The following INSRR variants were observed in gnomAD, a reference collection of about 807,000 sequenced individuals.
INSRR encodes insulin receptor related receptor, also known as insulin receptor-related protein.
Under a neutral mutation model 130.0 loss-of-function variants are expected in INSRR, and 114 were observed. The ratio of observed to expected loss-of-function variants is 0.88; its 90% CI spans 0.75 to 1.02. The LOEUF is 1.02. Ranked by LOEUF, INSRR falls within the 50% of genes least tolerant of loss-of-function variation. The pLI, the probability that INSRR is intolerant of heterozygous loss-of-function variation, is 0.00. For missense variants in INSRR, 1,657 were observed against 1,735.2 expected (o/e 0.95, Z 0.80); for synonymous variants, 674 against 705.2 (o/e 0.96, Z 0.70).
At chr1:156,858,463 G>T in intron 1 of INSRR, 74 bp downstream of exon 1, 1 of 1,117,958 alleles carries the variant, frequency 8.9e-7, no homozygotes, top group Non-Finnish European at 1.4e-6. Context: ...TGCTGTGGCT[G>T]CAAGCTCAGT....
rs547477076 is a variant in INSRR, at chr1:156,849,406, C to T, written c.1284G>A (p.Trp428Ter). The T allele has an allele frequency of 6.2e-7, 1 of 1,613,796 alleles. No individual in the cohort carries two copies. Among genetic ancestry groups the T allele is most frequent in the South Asian group, 1.1e-5 (1 of 91,046 alleles). The part of the protein sequence containing the change: ...DNQNLQQLGS[W>*]VAAGLTIPVG... ...CGGGAATGGTGAGCCCCGCGGCCAC[C>T]CAGGACCCTAGCTGTTGTAGGTTCT... is the stretch of plus-strand genomic sequence containing the variant. The change falls in exon 6 of 22, where the codon TGG becomes TGA. Residue 428 changes from tryptophan to a stop codon, truncating the protein, a stop_gained. Transcript: ENST00000368195. LOFTEE classifies it high-confidence loss of function.
chr1:156,846,225 G>A (rs1655003509), intron 8 of INSRR, 106 bp from the exon 9 acceptor site: 2 of 1,207,908 alleles, frequency 1.7e-6, no homozygotes, highest in Non-Finnish European at 2.3e-6. Context: ...TTCTCCCAAA[G>A]AATAGGTGAT....
At chr1:156,848,273 G>A (rs973470317) in intron 7 of INSRR, among the ~76,000 whole-genome samples, 2 of 152,198 alleles carry the variant, frequency 1.3e-5, no homozygotes, top group Non-Finnish European at 2.9e-5. Context: ...ATGCTTCTAA[G>A]CCAGGTGGCC....
chr1:156,845,848 G>T, intron 9 of INSRR, 34 bp from the exon 10 acceptor site: 1 of 1,593,374 alleles, frequency 6.3e-7, no homozygotes, highest in South Asian at 1.1e-5. Context: ...TAGTAAGACA[G>T]GCGGTCTACC....
intron 2 of INSRR, 111 bp from the exon 3 acceptor site, chr1:156,852,302 G>A: frequency 9.4e-7 from 1 of 1,063,310 alleles, no homozygotes; most frequent in South Asian, 1.7e-5. Flanking sequence ...TCTGCACCCA[G>A]GTCCCTCCCA....
At chr1:156,842,646 T>C (rs945995046) in intron 17 of INSRR, 138 bp from the exon 18 acceptor site, 48 of 656,810 alleles carry the variant, frequency 7.3e-5, no homozygotes, top group Non-Finnish European at 1.1e-4. Flanking sequence ...ACCTGACTCC[T>C]GACCTAACAA....
chr1:156,858,678 AACGGTGTGATAAGCCCTAAGGG>A lies in INSRR; in HGVS notation c.-79_-58del. ...CTCTCCTCCCGGTGACTCTGGGGAG[AACGGTGTGATAAGCCCTAAGGG>A]ACACAGAGACCAGGGTTCAGATAGG... is the stretch of plus-strand genomic sequence containing the variant. On this transcript the variant is annotated 5_prime_UTR_variant, in exon 1 of 22. It removes the in-frame stop codon of an upstream open reading frame in the 5' UTR. Transcript: ENST00000368195. The A allele has an allele frequency of 6.8e-7, 1 of 1,475,674 alleles. No homozygotes were observed. Among genetic ancestry groups the A allele is most frequent in the Non-Finnish European group, 9.5e-7 (1 of 1,054,230 alleles). 91.4% of individuals were successfully genotyped at this position (1,475,674 alleles called of 1,614,324 possible). A position where few individuals can be genotyped will look rare whatever the true frequency, so the allele number is the denominator to read the frequency against.
rs780685629 is a variant in INSRR at position 156,854,317 on chromosome 1, C to A, written c.86-14G>T. ...GGCTGGGGCACACTGTGGGCATACA[C>A]GGCACGCAGCATTGAGTACAGCCCA... On this transcript the variant is annotated splice_polypyrimidine_tract_variant and intron_variant, in intron 1 of 21. Coordinates refer to ENST00000368195, the MANE Select transcript of INSRR (RefSeq NM_014215.3). The surrounding 1 kb of genome is among the most constrained non-coding windows in gnomAD (Gnocchi z 4.2). 1 of 1,595,010 alleles carries A rather than the reference C, an allele frequency of 6.3e-7. No homozygotes were observed. Among genetic ancestry groups the A allele is most frequent in the Non-Finnish European group, 8.5e-7 (1 of 1,171,454 alleles).
intron 16 of INSRR, 68 bp from the exon 17 acceptor site, chr1:156,843,301 C>T: frequency 6.4e-7 from 1 of 1,570,056 alleles, no homozygotes; most frequent in Admixed American, 1.7e-5. Context: ...CCCAACTTCT[C>T]TTCTCCTCTT....
intron 5 of INSRR, among the ~76,000 whole-genome samples, chr1:156,849,736 C>T (rs1206092949): frequency 2.6e-5 from 4 of 152,078 alleles, no homozygotes; most frequent in Admixed American, 6.6e-5. Context: ...CCTCGACTCT[C>T]TTTGAACTGA....
At chr1:156,849,535 C>T (rs1655131832) in intron 5 of INSRR, 75 bp from the exon 6 acceptor site, 8 of 1,131,054 alleles carry the variant, frequency 7.1e-6, no homozygotes, top group Non-Finnish European at 1.0e-5. Flanking sequence ...CTTATGGGTT[C>T]CTCCTGGAAG....
chr1:156,848,816 G>T, intron 7 of INSRR, 105 bp downstream of exon 7: 1 of 1,383,184 alleles, frequency 7.2e-7, no homozygotes, highest in South Asian at 1.4e-5. Context: ...CTGGCTTCCT[G>T]GGTCTTCATA....
At chr1:156,841,349 T>A in intron 21 of INSRR, 45 bp downstream of exon 21, 1 of 1,586,984 alleles carries the variant, frequency 6.3e-7, no homozygotes, top group East Asian at 2.2e-5. Flanking sequence ...GGGGGAGGGT[T>A]GTAGGTAGAT....
At chr1:156,851,570 G>C in intron 4 of INSRR, 76 bp downstream of exon 4, 1 of 1,608,884 alleles carries the variant, frequency 6.2e-7, no homozygotes, top group Admixed American at 1.7e-5. Flanking sequence ...GTGCTGAGTT[G>C]GGTCATTGTA....
rs1368046320 is a variant in INSRR at position 156,843,070 on chromosome 1, G to T, written c.3060C>A (p.Ser1020Arg). The T allele has an allele frequency of 2.5e-6, 4 of 1,614,156 alleles. No individual in the cohort carries two copies. Among genetic ancestry groups the T allele is most frequent in the Non-Finnish European group, 3.4e-6 (4 of 1,180,036 alleles). Residue 1020 changes from serine (S) to arginine (R), a missense_variant, in exon 17 of 22, where the codon AGC becomes AGA. Physicochemically the swap from Ser to Arg is moderately radical, Grantham distance 110. Transcript: ENST00000368195. ...TGAGGAACTCAATGCATTCCCGTGG[G>T]CTGGCCAGCTCATTCACCGTCTTCA... Reference protein sequence around the residue: ...VALKTVNELASPRECIEFLKE... With the variant: ...VALKTVNELARPRECIEFLKE...
At chr1:156,853,655 A>G in intron 2 of INSRR, 97 bp downstream of exon 2, 1 of 1,186,536 alleles carries the variant, frequency 8.4e-7, no homozygotes. Context: ...AAACAGTGGC[A>G]GCTGAAAGTA....
rs1482304888 is a variant in INSRR at position 156,845,763 on chromosome 1, C to A, written c.2030G>T (p.Gly677Val). The A allele has an allele frequency of 6.2e-7, 1 of 1,613,412 alleles. No individual in the cohort carries two copies. Among genetic ancestry groups the A allele is most frequent in the Non-Finnish European group, 8.5e-7 (1 of 1,179,954 alleles). Residue 677 changes from glycine (G) to valine (V), a missense_variant, in exon 10 of 22, where the codon GGG becomes GTG. By Grantham distance (109) the Gly-to-Val change is moderately radical (BLOSUM62 -3). Coordinates refer to ENST00000368195, the MANE Select transcript of INSRR (RefSeq NM_014215.3). ...GGACTCCATCTCGGCCTCAGGATCC[C>A]CGTCTTCGCCGTCGAAGCGCGGATC... ...NNDPRFDGED[G>V]DPEAEMESDC...
In INSRR at chr1:156,854,085, C is replaced by T. The variant is rs1655328251; in HGVS notation, c.304G>A (p.Ala102Thr). ...AAGAGGCGCGTCCCGCGGATGACTG[C>T]TAGGTTGGGGAAGAGGTCGCGCAGG... ...ESLRDLFPNLAVIRGTRLFLG... is the reference protein window; with the variant it reads ...ESLRDLFPNLTVIRGTRLFLG... The change falls in exon 2 of 22, where the codon GCA (alanine) becomes ACA (threonine). Residue 102 changes from alanine to threonine, a missense_variant. Physicochemically the swap from Ala to Thr is moderately conservative, Grantham distance 58. Coordinates refer to ENST00000368195, the MANE Select transcript of INSRR (RefSeq NM_014215.3). This position sits in a 1 kb window ranked among gnomAD's most constrained non-coding sequence, Gnocchi z 4.2. The T allele has an allele frequency of 1.9e-6, 3 of 1,613,960 alleles. No individual in the cohort carries two copies. Among genetic ancestry groups the T allele is most frequent in the East Asian group, 2.2e-5 (1 of 44,902 alleles).
chr1:156,851,969 G>A lies in INSRR; in HGVS notation c.860C>T (p.Pro287Leu), dbSNP rs1223587838. ...AERCASLHSV[P>L]GRASTFGIHQ... The stretch of plus-strand genomic sequence containing the variant: ...TATGCCGAAGGTGGAGGCACGGCCG[G>A]GCACAGAGTGCAGGCTGGCACAGCG... Residue 287 changes from proline (P) to leucine (L), a missense_variant, in exon 3 of 22, where the codon CCC becomes CTC. Coordinates refer to ENST00000368195, the MANE Select transcript of INSRR (RefSeq NM_014215.3). The A allele has an allele frequency of 6.2e-6, 10 of 1,608,912 alleles. No homozygotes were observed. Among genetic ancestry groups the A allele is most frequent in the African/African-American group, 1.3e-5 (1 of 74,976 alleles).
Sources: gnomAD v4.1 joint callset for allele counts (sites outside exome capture counted in the v4.1 genomes callset) on GRCh38, gnomAD v4.1.1 for gene constraint, Gnocchi (gnomAD v3.1) non-coding constraint, MANE v1.5 for transcripts, NCBI Gene and HGNC (gene_info 2026-07-23, HGNC 2026-07-21) for gene names.